The following THSD4 variants were observed in gnomAD, a reference collection of about 807,000 sequenced individuals.
THSD4 encodes thrombospondin type 1 domain containing 4.
THSD4 carries 69 observed loss-of-function variants against 119.0 expected under a neutral mutation model. The ratio of observed to expected loss-of-function variants is 0.58; its 90% confidence interval spans 0.48 to 0.71. The LOEUF is 0.71. Ranked by LOEUF, THSD4 falls within the 30% of genes least tolerant of loss-of-function variation. THSD4 has a pLI of 0.00. For synonymous variants in THSD4, 524 were observed against 540.4 expected (o/e 0.97, Z 0.42); for missense variants, 1,393 against 1,391.1 (o/e 1.00, Z -0.02).
intron 7 of THSD4, among the ~76,000 whole-genome samples, chr15:71,600,618 CAATT>C (rs574377416): frequency 2.0e-5 from 3 of 152,152 alleles, no homozygotes; most frequent in Non-Finnish European, 2.9e-5. Flanking sequence ...ATGACAATGA[CAATT>C]AAAGTAGTAA....
intron 7 of THSD4, among the ~76,000 whole-genome samples, chr15:71,507,192 C>T (rs957894692): frequency 2.0e-5 from 3 of 152,214 alleles, no homozygotes; most frequent in Non-Finnish European, 4.4e-5. Flanking sequence ...ATGGCTACCC[C>T]GCTGGCTCAG....
At chr15:71,690,980 C>T (rs1351579730) in intron 8 of THSD4, among the ~76,000 whole-genome samples, 2 of 152,154 alleles carry the variant, frequency 1.3e-5, no homozygotes, top group East Asian at 3.9e-4. Flanking sequence ...CTAATGAAGA[C>T]CCTTGTGATG....
intron 7 of THSD4, among the ~76,000 whole-genome samples, chr15:71,600,730 C>CT (rs774794883): frequency 0.01 from 1,527 of 147,362 alleles, 11 homozygotes; most frequent in African/African-American, 0.038. Flanking sequence ...TCATGCCTGT[C>CT]TTTTTTTTTC....
At chr15:71,534,278 C>A (rs974019099) in intron 7 of THSD4, among the ~76,000 whole-genome samples, 1 of 152,230 alleles carries the variant, frequency 6.6e-6, no homozygotes, top group Non-Finnish European at 1.5e-5. Flanking sequence ...CACCTGTATT[C>A]ATTTGCAGTC....
intron 7 of THSD4, among the ~76,000 whole-genome samples, chr15:71,559,565 C>CT (rs56166658): frequency 0.39 from 57,019 of 145,882 alleles, 12,942 homozygotes; most frequent in East Asian, 0.74. Context: ...TCTTTTCCTC[C>CT]TTTTTTTTTT....
chr15:71,474,685 A>C (rs1218589994), intron 7 of THSD4, among the ~76,000 whole-genome samples: 1 of 152,142 alleles, frequency 6.6e-6, no homozygotes, highest in Non-Finnish European at 1.5e-5. Context: ...TGCATCATCA[A>C]ATCTTTCCTC....
At chr15:71,692,218 C>T (rs960175589) in intron 8 of THSD4, among the ~76,000 whole-genome samples, 8 of 152,124 alleles carry the variant, frequency 5.3e-5, no homozygotes, top group African/African-American at 9.7e-5. Context: ...TGCACGTGTA[C>T]GTTAAAGATG....
At chr15:71,436,308 A>G (rs575469441) in intron 7 of THSD4, among the ~76,000 whole-genome samples, 5 of 152,316 alleles carry the variant, frequency 3.3e-5, no homozygotes, top group African/African-American at 1.2e-4. Context: ...GGAAAAAACA[A>G]AGACTATTTC....
chr15:71,561,588 A>G (rs2049117889), intron 7 of THSD4, among the ~76,000 whole-genome samples: 1 of 152,118 alleles, frequency 6.6e-6, no homozygotes, highest in South Asian at 2.1e-4. Flanking sequence ...GGGATCCTAG[A>G]GAGGGGAGGT....
intron 7 of THSD4, among the ~76,000 whole-genome samples, chr15:71,610,078 C>G (rs17727764): frequency 0.19 from 29,449 of 152,078 alleles, 3,173 homozygotes; most frequent in Non-Finnish European, 0.24. Context: ...TAAACTGTTT[C>G]AAAGTACATC....
At chr15:71,549,063 C>G (rs2048885992) in intron 7 of THSD4, among the ~76,000 whole-genome samples, 2 of 152,212 alleles carry the variant, frequency 1.3e-5, no homozygotes, top group African/African-American at 4.8e-5. Flanking sequence ...GCAAATGGCT[C>G]TGCTTCACCT....
chr15:71,130,721 A>C (rs1163991994), intron 1 of THSD4, among the ~76,000 whole-genome samples: 2 of 152,164 alleles, frequency 1.3e-5, no homozygotes, highest in Non-Finnish European at 2.9e-5. Context: ...ACAACCTGTC[A>C]CATATTATAC....
intron 7 of THSD4, among the ~76,000 whole-genome samples, chr15:71,596,348 A>G (rs1019883394): frequency 3.3e-5 from 5 of 152,210 alleles, no homozygotes; most frequent in Non-Finnish European, 7.3e-5. Context: ...GTACAAACAC[A>G]AGATAATTAT....
chr15:71,106,258 C>G (rs2040273789), intron 1 of THSD4, among the ~76,000 whole-genome samples: 1 of 152,068 alleles, frequency 6.6e-6, no homozygotes, highest in Non-Finnish European at 1.5e-5. Flanking sequence ...CACTGTGACG[C>G]AGGCCTCAGT....
At chr15:71,624,119 GATAACTTAACAT>G (rs2050467596) in intron 7 of THSD4, among the ~76,000 whole-genome samples, 1 of 152,134 alleles carries the variant, frequency 6.6e-6, no homozygotes, top group African/African-American at 2.4e-5. Flanking sequence ...AGGTCCAACA[GATAACTTAACAT>G]ATCCTACAGG....
intron 7 of THSD4, among the ~76,000 whole-genome samples, chr15:71,412,047 A>G (rs2046697207): frequency 6.6e-6 from 1 of 152,172 alleles, no homozygotes; most frequent in South Asian, 2.1e-4. Flanking sequence ...CATTCCCATT[A>G]TTAAGTGATT....
intron 8 of THSD4, among the ~76,000 whole-genome samples, chr15:71,714,026 A>G (rs774060680): frequency 5.5e-5 from 8 of 145,764 alleles, no homozygotes; most frequent in African/African-American, 7.6e-5. Context: ...CATAGCTCCA[A>G]TAGTTACTTA....
intron 8 of THSD4, among the ~76,000 whole-genome samples, chr15:71,706,027 A>G (rs2052385981): frequency 1.3e-5 from 2 of 152,216 alleles, no homozygotes; most frequent in African/African-American, 4.8e-5. Context: ...AGAGAATCAT[A>G]AAGCCTCAGA....
intron 7 of THSD4, among the ~76,000 whole-genome samples, chr15:71,566,554 C>T (rs1266550273): frequency 2.0e-5 from 3 of 152,094 alleles, no homozygotes; most frequent in Non-Finnish European, 2.9e-5. Flanking sequence ...TGAGTGATAC[C>T]GTGCTGCCCC....
Sources: allele counts gnomAD v4.1 joint callset (sites outside exome capture counted in the v4.1 genomes callset), GRCh38; gene constraint gnomAD v4.1.1; transcripts MANE v1.5; gene names NCBI Gene and HGNC (gene_info 2026-07-23, HGNC 2026-07-21).